Variants in C5 observed in about 807,000 individuals in gnomAD.
C5 encodes the protein complement C5.
Under a neutral mutation model 218.8 loss-of-function variants are expected in C5, and 140 were observed. The observed-to-expected ratio is 0.64, with a 90% CI of 0.56 to 0.74. The LOEUF (loss-of-function observed/expected upper bound fraction) is 0.74, where lower values mean the gene tolerates loss of function less well. Ranked by LOEUF, C5 falls within the 30% of genes least tolerant of loss-of-function variation. C5 has a pLI of 0.00. For missense variants in C5, 1,700 were observed against 1,969.6 expected, an observed-to-expected ratio of 0.86 and a Z score of 2.59; for synonymous variants, 614 against 682.3, an observed-to-expected ratio of 0.90 and a Z score of 1.56.
chr9:120,976,784 G>C lies in C5; in HGVS notation c.3780C>G (p.Asn1260Lys). The change falls in exon 29 of 41, where the codon AAC becomes AAG. Residue 1260 changes from asparagine (N) to lysine (K), a missense_variant. Asn to Lys is a moderately conservative substitution (Grantham distance 94, BLOSUM62 0). Coordinates refer to ENST00000223642, the MANE Select transcript of C5 (RefSeq NM_001735.3). ...GGTTAACATAATTTATATCTTTCAA[G>C]TTCAGACTGGTGAGTAAAGCATAGG... ...TTAYALLTSL[N>K]LKDINYVNPV... The C allele has an allele frequency of 6.2e-7, 1 of 1,614,068 alleles. No homozygotes were observed. Among genetic ancestry groups the C allele is most frequent in the Non-Finnish European group, 8.5e-7 (1 of 1,179,956 alleles).
At chr9:121,038,974 C>T (rs1482688656) in intron 3 of C5, among the ~76,000 whole-genome samples, 1 of 152,186 alleles carries the variant, frequency 6.6e-6, no homozygotes, top group Non-Finnish European at 1.5e-5. Flanking sequence ...TGGGAAGCTG[C>T]CCAAGTCAGA....
the C5 span, among the ~76,000 whole-genome samples, chr9:121,068,962 C>T: frequency 6.6e-6 from 1 of 152,196 alleles, no homozygotes; most frequent in East Asian, 1.9e-4. Context: ...TACATCTCCC[C>T]CTATATAAAA....
intron 5 of C5, 35 bp downstream of exon 5, chr9:121,034,768 C>T (rs1473371682): frequency 1.7e-5 from 20 of 1,186,380 alleles, no homozygotes; most frequent in Non-Finnish European, 2.4e-5. Flanking sequence ...CCAAAAGTTC[C>T]GTATGTGGTT....
chr9:121,002,335 T>C (rs1171587709), intron 20 of C5, among the ~76,000 whole-genome samples: 2 of 109,444 alleles, frequency 1.8e-5, no homozygotes, highest in African/African-American at 7.4e-5. Flanking sequence ...TATATATATA[T>C]ATATATACAC....
At chr9:120,980,704 C>T (rs1012636916) in intron 27 of C5, among the ~76,000 whole-genome samples, 1 of 152,170 alleles carries the variant, frequency 6.6e-6, no homozygotes, top group African/African-American at 2.4e-5. Flanking sequence ...CATTCTCCTG[C>T]CTCAGCCTCC....
At chr9:120,957,709 C>A (rs966287783) in intron 38 of C5, among the ~76,000 whole-genome samples, 1 of 152,230 alleles carries the variant, frequency 6.6e-6, no homozygotes, top group Admixed American at 6.5e-5. Context: ...TGCCCATGGG[C>A]ATCTTTTGAA....
chr9:121,062,050 T>G, the C5 span, among the ~76,000 whole-genome samples: 1 of 148,564 alleles, frequency 6.7e-6, no homozygotes, highest in East Asian at 2.0e-4. Context: ...TCCTTGTTTT[T>G]TTGTTGTTGT....
intron 33 of C5, among the ~76,000 whole-genome samples, chr9:120,964,948 C>T (rs1007131587): frequency 2.0e-5 from 3 of 152,030 alleles, no homozygotes; most frequent in Non-Finnish European, 2.9e-5. Flanking sequence ...GACAGGCTGG[C>T]GGGGCTGAGG....
At chr9:120,957,687 T>G (rs2046796401) in intron 38 of C5, among the ~76,000 whole-genome samples, 1 of 152,252 alleles carries the variant, frequency 6.6e-6, no homozygotes, top group African/African-American at 2.4e-5. Flanking sequence ...TCCTTTAAGA[T>G]GAGTGGAGTC....
In C5 at chr9:120,952,759, T is replaced by C. The variant is rs374914766; in HGVS notation, c.5011A>G (p.Ile1671Val). The change falls in exon 41 of 41, where the codon ATC becomes GTC. Residue 1671 changes from isoleucine (I) to valine (V), a missense_variant. By Grantham distance (29) the Ile-to-Val change is conservative. Coordinates refer to ENST00000223642, the MANE Select transcript of C5 (RefSeq NM_001735.3). ...LANLDEFAED[I>V]FLNGC is the part of the protein sequence containing the mutation. ...GAATTTTAGCATCCATTTAAAAAGA[T>C]ATCTTCGGCAAATTCATCTAAATTA... 2.8e-5 allele frequency: 45 copies of C among 1,613,580 alleles called. No individual in the cohort carries two copies. Among genetic ancestry groups the C allele is most frequent in the Admixed American group, 2.2e-4 (13 of 60,020 alleles).
the C5 span, among the ~76,000 whole-genome samples, chr9:121,072,812 T>TAAAAAAAAAAAAAAAAAA: frequency 1.0e-5 from 1 of 98,614 alleles, no homozygotes; most frequent in Non-Finnish European, 2.2e-5. Flanking sequence ...TTCAAAAAAT[T>TAAAAAAAAAAAAAAAAAA]AAAAAAAAAA....
At chr9:121,058,035 G>A in the C5 span, among the ~76,000 whole-genome samples, 11,975 of 152,128 alleles carry the variant, frequency 0.079, 537 homozygotes, top group Non-Finnish European at 0.11. Context: ...TGTTAATCAC[G>A]TCTCAATAAG....
At chr9:121,053,348 C>T (rs1413738943), upstream of C5, among the ~76,000 whole-genome samples, 1 of 152,162 alleles carries the variant, frequency 6.6e-6, no homozygotes. Flanking sequence ...TACTAAAAGG[C>T]CAACTGAAAT....
intron 38 of C5, among the ~76,000 whole-genome samples, chr9:120,959,958 G>A (rs531301668): frequency 6.6e-6 from 1 of 152,242 alleles, no homozygotes; most frequent in Non-Finnish European, 1.5e-5. Context: ...CTTCTCAAAA[G>A]TTCCCTTTGA....
chr9:120,989,439 T>A (rs2047059172), intron 24 of C5, 129 bp downstream of exon 24: 3 of 678,408 alleles, frequency 4.4e-6, no homozygotes, highest in Non-Finnish European at 7.5e-6. Context: ...TATAGTAGAG[T>A]CCATCTCATG....
chr9:121,038,664 T>C (rs777584665), intron 3 of C5, among the ~76,000 whole-genome samples: 23 of 152,214 alleles, frequency 1.5e-4, no homozygotes, highest in East Asian at 5.8e-4. Context: ...TTCTTTCCAA[T>C]GACAAACTTA....
At chr9:121,052,030 G>A (rs2047674321), upstream of C5, among the ~76,000 whole-genome samples, 1 of 152,186 alleles carries the variant, frequency 6.6e-6, no homozygotes, top group South Asian at 2.1e-4. Flanking sequence ...CCATTGTCCT[G>A]TTTCTCTGGT....
At chr9:121,066,013 CA>C in the C5 span, among the ~76,000 whole-genome samples, 3 of 150,366 alleles carry the variant, frequency 2.0e-5, no homozygotes, top group African/African-American at 2.4e-5. Flanking sequence ...AGCCAAAGAA[CA>C]AAAAAAAATG....
chr9:121,051,624 A>C (rs1382149384), upstream of C5, among the ~76,000 whole-genome samples: 1 of 152,198 alleles, frequency 6.6e-6, no homozygotes, highest in Non-Finnish European at 1.5e-5. Flanking sequence ...TCACATTGGC[A>C]TTCTTTGCTT....
Sources: gnomAD v4.1 joint callset for allele counts (sites outside exome capture counted in the v4.1 genomes callset) on GRCh38, gnomAD v4.1.1 for gene constraint, MANE v1.5 for transcripts, NCBI Gene and HGNC (gene_info 2026-07-23, HGNC 2026-07-21) for gene names.